CELF4: variants seen among roughly 807,000 people sequenced by gnomAD.
CELF4 encodes the protein CUGBP Elav-like family member 4, also known as CUG-BP- and ETR-3-like factor 4.
A neutral mutation model predicts 59.9 loss-of-function variants in CELF4; 18 were observed. The observed-to-expected ratio is 0.30, with a 90% CI of 0.21 to 0.45. The LOEUF is 0.45. Among genes scored for constraint, CELF4 ranks in the 20% least tolerant of loss-of-function variants. CELF4 has a pLI of 1.00. For synonymous variants in CELF4, 261 were observed against 267.1 expected (o/e 0.98, Z 0.22); for missense variants, 456 against 689.0 (o/e 0.66, Z 3.79).
intron 2 of CELF4, among the ~76,000 whole-genome samples, chr18:37,363,706 C>T (rs1040713043): frequency 9.2e-5 from 14 of 152,214 alleles, no homozygotes; most frequent in Non-Finnish European, 1.5e-5. Flanking sequence ...ATGGCTTCTT[C>T]ATAACTGGGA....
intron 3 of CELF4, among the ~76,000 whole-genome samples, chr18:37,287,138 G>A (rs187739903): frequency 7.9e-5 from 12 of 152,236 alleles, no homozygotes; most frequent in Middle Eastern, 3.4e-3. Context: ...CCCGAGATAC[G>A]GATTTGAGGG....
intron 3 of CELF4, among the ~76,000 whole-genome samples, chr18:37,317,301 C>A (rs1198396736): frequency 6.6e-6 from 1 of 152,192 alleles, no homozygotes; most frequent in Non-Finnish European, 1.5e-5. Flanking sequence ...GCAGGAGAAT[C>A]ACTTGAACCC....
intron 2 of CELF4, among the ~76,000 whole-genome samples, chr18:37,444,412 G>T (rs767198726): frequency 6.6e-6 from 1 of 152,108 alleles, no homozygotes; most frequent in East Asian, 1.9e-4. Flanking sequence ...AACCGTGGGA[G>T]GAGGCAGCGG....
intron 2 of CELF4, among the ~76,000 whole-genome samples, chr18:37,419,960 T>G (rs1433649868): frequency 1.3e-5 from 2 of 152,186 alleles, no homozygotes; most frequent in Non-Finnish European, 2.9e-5. Flanking sequence ...AAACGGCCAC[T>G]CCGGGGTTCT....
At chr18:37,420,614 T>G (rs1001709492) in intron 2 of CELF4, among the ~76,000 whole-genome samples, 14 of 152,124 alleles carry the variant, frequency 9.2e-5, no homozygotes. Context: ...AGGGAGAGGG[T>G]GCAGGTGCTT....
intron 2 of CELF4, among the ~76,000 whole-genome samples, chr18:37,358,676 G>A (rs911417429): frequency 2.0e-5 from 3 of 152,256 alleles, no homozygotes; most frequent in Non-Finnish European, 4.4e-5. Context: ...CACAGGAGCA[G>A]GATGCAGGCG....
At chr18:37,530,172 T>C (rs767311715) in intron 1 of CELF4, among the ~76,000 whole-genome samples, 1 of 152,222 alleles carries the variant, frequency 6.6e-6, no homozygotes, top group Non-Finnish European at 1.5e-5. Flanking sequence ...AAAGTATTTA[T>C]TCATAATAAG....
intron 3 of CELF4, among the ~76,000 whole-genome samples, chr18:37,280,947 G>T (rs978037394): frequency 6.6e-6 from 1 of 152,234 alleles, no homozygotes; most frequent in African/African-American, 2.4e-5. Context: ...AGTGACAGGT[G>T]CTAACGGAAA....
At chr18:37,547,150 G>GTA (rs1300019574) in intron 1 of CELF4, among the ~76,000 whole-genome samples, 2 of 117,690 alleles carry the variant, frequency 1.7e-5, no homozygotes, top group African/African-American at 7.1e-5. Context: ...GTGTATGTGT[G>GTA]TGTGTGTGTG....
intron 2 of CELF4, among the ~76,000 whole-genome samples, chr18:37,334,638 C>A (rs2097695691): frequency 2.0e-5 from 3 of 152,040 alleles, no homozygotes; most frequent in African/African-American, 4.8e-5. Flanking sequence ...TCCCTCCACT[C>A]CCCCCGGACT....
In CELF4 at chr18:37,254,098, G is replaced by T. The variant is rs1568953176; in HGVS notation, c.1334-160C>A. Reference sequence around the variant, plus strand: ...CCCGGTGCCCGCCCCTCTCCAGCCCGCGCGCGCGTGCTAGGCCCCTCCGGG... The same window carrying T: ...CCCGGTGCCCGCCCCTCTCCAGCCCTCGCGCGCGTGCTAGGCCCCTCCGGG... On this transcript the variant is annotated intron_variant, in intron 11 of 12. Transcript: ENST00000420428. The surrounding 1 kb of genome is among the most constrained non-coding windows in gnomAD (Gnocchi z 5.1). 1.1e-5 allele frequency: 4 copies of T among 351,082 alleles called. No individual in the cohort carries two copies. The highest frequency in any genetic ancestry group is 9.0e-6 in the Non-Finnish European group (2 of 222,758). 21.7% of individuals were successfully genotyped at this position (351,082 alleles called of 1,614,324 possible).
At chr18:37,510,340 C>A (rs2099942825) in intron 1 of CELF4, among the ~76,000 whole-genome samples, 1 of 152,194 alleles carries the variant, frequency 6.6e-6, no homozygotes, top group African/African-American at 2.4e-5. Flanking sequence ...ACCCAGCTGG[C>A]CAATCTGCTG....
At chr18:37,520,567 G>T (rs1434322003) in intron 1 of CELF4, among the ~76,000 whole-genome samples, 2 of 151,418 alleles carry the variant, frequency 1.3e-5, no homozygotes, top group Non-Finnish European at 2.9e-5. Context: ...TTGTGGGAGG[G>T]TGGGTAGGGG....
At chr18:37,271,307 T>A (rs950362086) in intron 7 of CELF4, among the ~76,000 whole-genome samples, 12 of 139,994 alleles carry the variant, frequency 8.6e-5, no homozygotes, top group African/African-American at 3.3e-4. Context: ...GTTGCTGGAG[T>A]ACAGTGGTGC....
intron 2 of CELF4, among the ~76,000 whole-genome samples, chr18:37,455,967 C>T (rs556524067): frequency 1.3e-5 from 2 of 152,304 alleles, no homozygotes; most frequent in East Asian, 3.9e-4. Flanking sequence ...CATTCACTCT[C>T]CCATCTCTAG....
chr18:37,395,366 G>A (rs534202076), intron 2 of CELF4, among the ~76,000 whole-genome samples: 16 of 152,234 alleles, frequency 1.1e-4, no homozygotes, highest in South Asian at 1.0e-3. Flanking sequence ...GGCCAGACAC[G>A]TTCCCTCCTC....
At chr18:37,355,925 A>G (rs2154557209) in intron 2 of CELF4, among the ~76,000 whole-genome samples, 1 of 152,252 alleles carries the variant, frequency 6.6e-6, no homozygotes, top group East Asian at 1.9e-4. Flanking sequence ...CCTACATGAG[A>G]TGGGGCCTCG....
chr18:37,508,828 C>T (rs563463089), intron 1 of CELF4, among the ~76,000 whole-genome samples: 1 of 152,324 alleles, frequency 6.6e-6, no homozygotes, highest in East Asian at 1.9e-4. Context: ...CTGAGCCAAG[C>T]CAGTTTAACT....
At chr18:37,325,730 T>A (rs1389590090) in intron 2 of CELF4, among the ~76,000 whole-genome samples, 1 of 152,166 alleles carries the variant, frequency 6.6e-6, no homozygotes, top group Non-Finnish European at 1.5e-5. Flanking sequence ...CCTTCAGCCA[T>A]GGGCTAGGCA....
Sources: gnomAD v4.1 joint callset for allele counts (sites outside exome capture counted in the v4.1 genomes callset) on GRCh38, gnomAD v4.1.1 for gene constraint, Gnocchi (gnomAD v3.1) non-coding constraint, MANE v1.5 for transcripts, NCBI Gene and HGNC (gene_info 2026-07-23, HGNC 2026-07-21) for gene names.